Variants in PTK7 observed in about 807,000 individuals in gnomAD.
PTK7 encodes the protein protein tyrosine kinase 7 (inactive).
Under a neutral mutation model 116.6 loss-of-function variants are expected in PTK7, and 39 were observed. That is an observed-to-expected ratio of 0.33 (90% CI 0.26 to 0.44). The LOEUF (loss-of-function observed/expected upper bound fraction) is 0.44. Among genes scored for constraint, PTK7 ranks in the 20% least tolerant of loss-of-function variants. The probability of loss-of-function intolerance (pLI) is 1.00; values close to 1 mark genes in which losing one functional copy is unlikely to be tolerated. For synonymous variants in PTK7, 546 were observed against 563.6 expected, an observed-to-expected ratio of 0.97 and a Z score of 0.44; for missense variants, 1,169 against 1,425.6, an observed-to-expected ratio of 0.82 and a Z score of 2.90.
In PTK7 at chr6:43,143,084, G is replaced by T; in HGVS notation, c.2048-333G>T. 1 of 248,686 alleles carries T rather than the reference G, an allele frequency of 4.0e-6. No individual in the cohort carries two copies. Among genetic ancestry groups the T allele is most frequent in the Non-Finnish European group, 7.8e-6 (1 of 127,620 alleles). 15.4% of individuals were successfully genotyped at this position (248,686 alleles called of 1,614,324 possible). A position where few individuals can be genotyped will look rare whatever the true frequency, so the allele number is the denominator to read the frequency against. On this transcript the variant is annotated intron_variant, in intron 13 of 19. Transcript: ENST00000230419. This position sits in a 1 kb window ranked among gnomAD's most constrained non-coding sequence, Gnocchi z 4.2. Reference sequence around the variant, plus strand: ...CTGAAGCTCCCAAATGCTGCTCTCCGGGGCCTGGCTCACATTATCAAGTCA... The same window carrying T: ...CTGAAGCTCCCAAATGCTGCTCTCCTGGGCCTGGCTCACATTATCAAGTCA...
chr6:43,139,146 T>C lies in PTK7; in HGVS notation c.1373T>C (p.Phe458Ser). ...TCACCTGTGCTGCAGGACTCACGGTTCGAGGTCTTCAAGAATGGGACCTTG... is the reference window on the plus strand; with the variant it reads ...TCACCTGTGCTGCAGGACTCACGGTCCGAGGTCTTCAAGAATGGGACCTTG... ...NQMLISEDSRFEVFKNGTLRI... is the reference protein window; with the variant it reads ...NQMLISEDSRSEVFKNGTLRI... Residue 458 changes from phenylalanine to serine, a missense_variant, in exon 9 of 20, where the codon TTC becomes TCC. Phe to Ser is a radical substitution (Grantham distance 155). This residue lies in a region of PTK7 where 678 missense variants were observed against 853.8 expected (regional missense o/e 0.79). Transcript: ENST00000230419. This position sits in a 1 kb window ranked among gnomAD's most constrained non-coding sequence, Gnocchi z 4.6. 2.5e-6 allele frequency: 4 copies of C among 1,614,186 alleles called. No homozygotes were observed. Among genetic ancestry groups the C allele is most frequent in the Non-Finnish European group, 3.4e-6 (4 of 1,180,034 alleles).
chr6:43,092,078 G>A (rs1766985581), intron 1 of PTK7, among the ~76,000 whole-genome samples: 1 of 152,124 alleles, frequency 6.6e-6, no homozygotes, highest in Non-Finnish European at 1.5e-5. Flanking sequence ...GGTCAGGCTG[G>A]TCTTGAACTC....
intron 14 of PTK7, 87 bp from the exon 15 acceptor site, chr6:43,144,364 G>A (rs1358623830): frequency 1.3e-6 from 2 of 1,551,902 alleles, no homozygotes; most frequent in African/African-American, 2.7e-5. Flanking sequence ...GTTGGCAAGA[G>A]TGGAAGACCA....
At chr6:43,102,752 T>G (rs546993443) in intron 1 of PTK7, among the ~76,000 whole-genome samples, 1 of 152,304 alleles carries the variant, frequency 6.6e-6, no homozygotes, top group East Asian at 1.9e-4. Context: ...AATACAATGC[T>G]ATTTGCATTA....
chr6:43,076,665 G>C lies in PTK7; in HGVS notation c.79+98G>C. 7.0e-7 allele frequency: 1 copy of C among 1,430,508 alleles called. No homozygotes were observed. The highest frequency in any genetic ancestry group is 9.3e-7 in the Non-Finnish European group (1 of 1,074,942). 88.6% of individuals were successfully genotyped at this position (1,430,508 alleles called of 1,614,324 possible). A position where few individuals can be genotyped will look rare whatever the true frequency, so the allele number is the denominator to read the frequency against. ...GGCGGTGGGTTTGGGCGGCTGGAAC[G>C]GCCCTGGAGTAGTGGAGAGGCTCGC... On this transcript the variant is annotated intron_variant, in intron 1 of 19. Transcript: ENST00000230419. The surrounding 1 kb of genome is among the most constrained non-coding windows in gnomAD (Gnocchi z 5.7).
At chr6:43,125,189 G>T (rs1411811150) in intron 1 of PTK7, among the ~76,000 whole-genome samples, 1 of 152,078 alleles carries the variant, frequency 6.6e-6, no homozygotes, top group Non-Finnish European at 1.5e-5. Flanking sequence ...ACAAAAAAAA[G>T]AAAAAAGAAA....
At chr6:43,099,524 C>T (rs1389401757) in intron 1 of PTK7, among the ~76,000 whole-genome samples, 1 of 151,976 alleles carries the variant, frequency 6.6e-6, no homozygotes, top group African/African-American at 2.4e-5. Flanking sequence ...GCCTGGCCCA[C>T]AGCTATTTCT....
chr6:43,083,390 G>A (rs1216444797), intron 1 of PTK7, among the ~76,000 whole-genome samples: 2 of 152,204 alleles, frequency 1.3e-5, no homozygotes, highest in African/African-American at 4.8e-5. Flanking sequence ...TCTTCTGAGG[G>A]TGTGAAAGTC....
chr6:43,115,640 A>T (rs1768467518), intron 1 of PTK7, among the ~76,000 whole-genome samples: 1 of 152,062 alleles, frequency 6.6e-6, no homozygotes, highest in African/African-American at 2.4e-5. Flanking sequence ...CTGCCTTCAG[A>T]AAGGGGCAGT....
rs1487922286 is a variant in PTK7, at chr6:43,161,472, G to C, written c.*591G>C. The stretch of plus-strand genomic sequence containing the variant: ...TCATCCTAAGTGCCTGGCAGATGAA[G>C]GAGTTTTCAGGAGCTTTTGACACTA... On this transcript the variant is annotated 3_prime_UTR_variant, in exon 20 of 20. Transcript: ENST00000230419. 1.3e-5 allele frequency: 2 copies of C among 151,872 alleles called. No individual in the cohort carries two copies. Among genetic ancestry groups the C allele is most frequent in the Non-Finnish European group, 2.9e-5 (2 of 68,100 alleles). 9.4% of individuals were successfully genotyped at this position (151,872 alleles called of 1,614,324 possible). A position where few individuals can be genotyped will look rare whatever the true frequency, so the allele number is the denominator to read the frequency against.
chr6:43,132,661 G>C lies in PTK7; in HGVS notation c.1202G>C (p.Arg401Thr). The C allele has an allele frequency of 6.4e-7, 1 of 1,570,216 alleles. No homozygotes were observed. The highest frequency in any genetic ancestry group is 1.2e-5 in the South Asian group (1 of 86,250). ...CHAANLAGQR[R>T]QDVNITVATV... ...GCGGCCAACCTGGCTGGTCAGCGGA[G>C]ACAGGATGTCAACATCACTGTGGCC... The change falls in exon 7 of 20, where the codon AGA becomes ACA. Residue 401 changes from arginine (R) to threonine (T), a missense_variant. Physicochemically the swap from Arg to Thr is moderately conservative, Grantham distance 71. This residue lies in a region of PTK7 where 487 missense variants were observed against 549.8 expected (regional missense o/e 0.89). Coordinates refer to ENST00000230419, the MANE Select transcript of PTK7 (RefSeq NM_002821.5).
intron 1 of PTK7, among the ~76,000 whole-genome samples, chr6:43,120,654 G>A (rs1460233089): frequency 6.6e-6 from 1 of 152,192 alleles, no homozygotes; most frequent in African/African-American, 2.4e-5. Context: ...TCTGGGGAAT[G>A]GGCCCCCGTT....
chr6:43,113,490 G>GT, intron 1 of PTK7, among the ~76,000 whole-genome samples: 1 of 152,208 alleles, frequency 6.6e-6, no homozygotes, highest in South Asian at 2.1e-4. Context: ...GAACACAAGG[G>GT]TTTTACCTAA....
At chr6:43,077,079 C>T in intron 1 of PTK7, 1 of 1,256,096 alleles carries the variant, frequency 8.0e-7, no homozygotes, top group East Asian at 3.0e-5. Context: ...ACGTTCCCGG[C>T]TTCCCTCCTC....
chr6:43,144,651 C>A, intron 15 of PTK7, 45 bp downstream of exon 15: 1 of 1,568,864 alleles, frequency 6.4e-7, no homozygotes, highest in Non-Finnish European at 8.7e-7. Context: ...CTACAAGTCA[C>A]CCGCTGTGTC....
At chr6:43,130,714 C>T in intron 5 of PTK7, 53 bp downstream of exon 5, 1 of 1,591,466 alleles carries the variant, frequency 6.3e-7, no homozygotes, top group Non-Finnish European at 8.6e-7. Context: ...CACATGCATT[C>T]TGTAGAAGGG....
At chr6:43,082,212 G>C (rs533850238) in intron 1 of PTK7, among the ~76,000 whole-genome samples, 1 of 152,120 alleles carries the variant, frequency 6.6e-6, no homozygotes, top group African/African-American at 2.4e-5. Flanking sequence ...GTCTCACTCT[G>C]TCGCCCAGGC....
At chr6:43,115,438 C>G (rs1171106640) in intron 1 of PTK7, among the ~76,000 whole-genome samples, 3 of 152,094 alleles carry the variant, frequency 2.0e-5, no homozygotes. Flanking sequence ...TCCTCATCCC[C>G]CTGTGCCCCC....
In PTK7 at chr6:43,141,705, T is replaced by C; in HGVS notation, c.1656T>C (p.Ala552=). The change falls in exon 11 of 20, where the codon GCT becomes GCC. Residue 552 remains alanine, a synonymous_variant. Transcript: ENST00000230419. The surrounding 1 kb of genome is among the most constrained non-coding windows in gnomAD (Gnocchi z 4.9). ...TCCCAGAGTGGGTGACAGACAACGCTGGGACCCTGCATTTTGCCCGGGTGA... is the reference window on the plus strand; with the variant it reads ...TCCCAGAGTGGGTGACAGACAACGCCGGGACCCTGCATTTTGCCCGGGTGA... ...SSLPEWVTDN[A]GTLHFARVTR... is the part of the protein sequence containing the mutation. The C allele has an allele frequency of 1.9e-6, 3 of 1,614,166 alleles. No homozygotes were observed. Among genetic ancestry groups the C allele is most frequent in the Non-Finnish European group, 1.7e-6 (2 of 1,180,028 alleles).
Sources: allele counts gnomAD v4.1 joint callset (sites outside exome capture counted in the v4.1 genomes callset), GRCh38; gene constraint gnomAD v4.1.1; regional missense constraint gnomAD v4.1.1; non-coding constraint Gnocchi (gnomAD v3.1); transcripts MANE v1.5; gene names NCBI Gene and HGNC (gene_info 2026-07-23, HGNC 2026-07-21).